VPS13B: variants seen among roughly 807,000 people sequenced by gnomAD.
The protein encoded by VPS13B is intermembrane lipid transfer protein VPS13B.
Under a neutral mutation model 426.4 loss-of-function variants are expected in VPS13B, and 285 were observed. The observed-to-expected ratio is 0.67, with a 90% CI of 0.61 to 0.74. The LOEUF (loss-of-function observed/expected upper bound fraction) is 0.74. Among genes scored for constraint, VPS13B ranks in the 30% least tolerant of loss-of-function variants. The pLI is 0.00. For missense variants in VPS13B, 4,537 were observed against 4,782.6 expected, an observed-to-expected ratio of 0.95 and a Z score of 1.51; for synonymous variants, 1,676 against 1,676.4, an observed-to-expected ratio of 1.00 and a Z score of 0.01.
chr8:99,095,224 A>G (rs573608887), intron 3 of VPS13B, among the ~76,000 whole-genome samples: 202 of 152,326 alleles, frequency 1.3e-3, no homozygotes, highest in African/African-American at 4.6e-3. Context: ...GTCAACTAGA[A>G]TGAGGACTAA....
intron 21 of VPS13B, among the ~76,000 whole-genome samples, chr8:99,414,190 T>C (rs182460039): frequency 2.6e-4 from 39 of 152,252 alleles, no homozygotes; most frequent in Admixed American, 1.4e-3. Flanking sequence ...CTTTTTGATC[T>C]TTGTTGGTTT....
At chr8:99,408,192 C>T (rs778428743) in intron 21 of VPS13B, among the ~76,000 whole-genome samples, 4 of 152,116 alleles carry the variant, frequency 2.6e-5, no homozygotes, top group Non-Finnish European at 5.9e-5. Flanking sequence ...TGAGTAGAGG[C>T]ATGATATAAC....
intron 3 of VPS13B, among the ~76,000 whole-genome samples, chr8:99,081,297 A>T (rs1845440202): frequency 6.6e-6 from 1 of 151,394 alleles, no homozygotes; most frequent in African/African-American, 2.4e-5. Flanking sequence ...TCTGGTTAAA[A>T]TTTTTCTCTT....
At chr8:99,390,059 A>T (rs2133308775) in intron 20 of VPS13B, among the ~76,000 whole-genome samples, 1 of 152,092 alleles carries the variant, frequency 6.6e-6, no homozygotes, top group African/African-American at 2.4e-5. Context: ...ACTCTATGTT[A>T]TGATGCTTTC....
At chr8:99,107,577 A>T (rs1449597564) in intron 5 of VPS13B, among the ~76,000 whole-genome samples, 1 of 151,878 alleles carries the variant, frequency 6.6e-6, no homozygotes, top group Non-Finnish European at 1.5e-5. Flanking sequence ...AATCTTTTCT[A>T]CTATTAGAGG....
chr8:99,019,865 T>A (rs918012899), intron 2 of VPS13B, among the ~76,000 whole-genome samples: 24 of 152,234 alleles, frequency 1.6e-4, no homozygotes, highest in Non-Finnish European at 2.5e-4. Flanking sequence ...ACATGCCACA[T>A]TTTGTTCATT....
intron 8 of VPS13B, among the ~76,000 whole-genome samples, chr8:99,123,974 G>A (rs193003228): frequency 2.6e-5 from 4 of 152,280 alleles, no homozygotes; most frequent in South Asian, 4.1e-4. Context: ...TTGCCTAGGT[G>A]CATATATTTG....
At chr8:99,159,713 G>A (rs1327021471) in intron 15 of VPS13B, among the ~76,000 whole-genome samples, 1 of 152,166 alleles carries the variant, frequency 6.6e-6, no homozygotes, top group East Asian at 1.9e-4. Context: ...AGGCCGTAGT[G>A]CAGTGGCATG....
intron 30 of VPS13B, among the ~76,000 whole-genome samples, chr8:99,523,351 C>G (rs569766480): frequency 8.5e-5 from 13 of 152,304 alleles, no homozygotes; most frequent in South Asian, 4.1e-4. Context: ...TTGCTGAGCC[C>G]TAGGGCCTTG....
chr8:99,483,069 A>T (rs944710639), intron 25 of VPS13B, among the ~76,000 whole-genome samples: 1 of 152,318 alleles, frequency 6.6e-6, no homozygotes, highest in East Asian at 1.9e-4. Flanking sequence ...ATGGGATAAG[A>T]ATCAAGTAAA....
intron 41 of VPS13B, among the ~76,000 whole-genome samples, chr8:99,778,093 G>A (rs1043100832): frequency 7.9e-5 from 12 of 151,876 alleles, no homozygotes; most frequent in African/African-American, 1.2e-4. Context: ...TTAGCTGGGC[G>A]TGGTGGCAGG....
intron 19 of VPS13B, among the ~76,000 whole-genome samples, chr8:99,282,516 C>A (rs186257554): frequency 2.8e-4 from 42 of 152,176 alleles, no homozygotes; most frequent in Admixed American, 6.5e-4. Flanking sequence ...AGTTTATGAA[C>A]CTACTTGGAA....
intron 5 of VPS13B, among the ~76,000 whole-genome samples, chr8:99,105,673 C>T (rs1847008956): frequency 6.6e-6 from 1 of 152,068 alleles, no homozygotes; most frequent in African/African-American, 2.4e-5. Context: ...GCCACTGTGC[C>T]CACCCAGAAA....
chr8:99,515,392 G>C (rs554423824), intron 29 of VPS13B, among the ~76,000 whole-genome samples: 1 of 149,260 alleles, frequency 6.7e-6, no homozygotes, highest in Non-Finnish European at 1.5e-5. Context: ...TGCTGCTGCT[G>C]CTTCTGCTTC....
chr8:99,689,626 T>G (rs987891064), intron 35 of VPS13B, among the ~76,000 whole-genome samples: 1 of 152,158 alleles, frequency 6.6e-6, no homozygotes, highest in Non-Finnish European at 1.5e-5. Context: ...GAGGCCAACC[T>G]GGGCAACATA....
chr8:99,520,363 C>T (rs1822312155), intron 29 of VPS13B, among the ~76,000 whole-genome samples: 1 of 148,712 alleles, frequency 6.7e-6, no homozygotes, highest in Non-Finnish European at 1.5e-5. Context: ...AATTTTCTGA[C>T]ATTTTGGAGC....
At chr8:99,653,863 GA>G (rs1299785959) in intron 34 of VPS13B, among the ~76,000 whole-genome samples, 6 of 151,894 alleles carry the variant, frequency 4.0e-5, no homozygotes, top group African/African-American at 1.5e-4. Flanking sequence ...CACATCTTAC[GA>G]GGTGCAGAGT....
At chr8:99,319,738 CTT>C (rs949820510) in intron 19 of VPS13B, among the ~76,000 whole-genome samples, 8 of 152,264 alleles carry the variant, frequency 5.3e-5, no homozygotes, top group African/African-American at 1.9e-4. Flanking sequence ...GGATTTGATT[CTT>C]GTTTCTTCTA....
chr8:99,440,794 T>C (rs1313505275), intron 22 of VPS13B, among the ~76,000 whole-genome samples: 1 of 152,054 alleles, frequency 6.6e-6, no homozygotes, highest in Non-Finnish European at 1.5e-5. Flanking sequence ...TGCATGTGGT[T>C]GTGTATGGTA....
Sources: allele counts gnomAD v4.1 joint callset (sites outside exome capture counted in the v4.1 genomes callset), GRCh38; gene constraint gnomAD v4.1.1; transcripts MANE v1.5; gene names NCBI Gene and HGNC (gene_info 2026-07-23, HGNC 2026-07-21).